The following NPFFR1 variants were observed in gnomAD, a reference collection of about 807,000 sequenced individuals.
The protein encoded by NPFFR1 is neuropeptide FF receptor 1, also known as G-protein coupled receptor 147.
In NPFFR1, 17 loss-of-function variants were observed where a neutral mutation model predicts 12.7. The ratio of observed to expected loss-of-function variants is 1.34; its 90% CI spans 0.92 to 2.01. The LOEUF (loss-of-function observed/expected upper bound fraction) is 2.01, where lower values mean the gene tolerates loss of function less well. Ranked by LOEUF, NPFFR1 falls within the 30% of genes most tolerant of loss-of-function variation. The pLI is 0.00. For synonymous variants in NPFFR1, 296 were observed against 264.5 expected (o/e 1.12, Z -1.16); for missense variants, 604 against 606.5 (o/e 1.00, Z 0.04).
chr10:70,264,800 G>A (rs1000833827), intron 2 of NPFFR1, among the ~76,000 whole-genome samples: 1 of 152,182 alleles, frequency 6.6e-6, no homozygotes, highest in African/African-American at 2.4e-5. Context: ...ATTTTTCACT[G>A]GAGAATTTTG....
At chr10:70,277,027 G>A (rs991802576) in intron 1 of NPFFR1, among the ~76,000 whole-genome samples, 5 of 152,172 alleles carry the variant, frequency 3.3e-5, no homozygotes, top group African/African-American at 1.2e-4. Flanking sequence ...ACAGTAGAAT[G>A]GGCCACTCAA....
At chr10:70,262,365 C>A (rs936326586) in intron 2 of NPFFR1, among the ~76,000 whole-genome samples, 1 of 152,112 alleles carries the variant, frequency 6.6e-6, no homozygotes, top group African/African-American at 2.4e-5. Context: ...AAGGAACACA[C>A]GAACTGGAGT....
rs571491375 is a variant in NPFFR1 at position 70,251,819 on chromosome 10, A to T, written c.*3138T>A. ...ACATAGGAATCCAGTGAGGATAATA[A>T]ATCTATAATTATAAAATAGCTTCAT... On this transcript the variant is annotated 3_prime_UTR_variant, in exon 4 of 4. Coordinates refer to ENST00000277942, the MANE Select transcript of NPFFR1 (RefSeq NM_022146.5). 6.6e-6 allele frequency: 1 copy of T among 152,360 alleles called. No individual in the cohort carries two copies. Among genetic ancestry groups the T allele is most frequent in the African/African-American group, 2.4e-5 (1 of 41,580 alleles). 9.4% of individuals were successfully genotyped at this position (152,360 alleles called of 1,614,324 possible). A position where few individuals can be genotyped will look rare whatever the true frequency, so the allele number is the denominator to read the frequency against.
chr10:70,279,248 A>G (rs1032674097), intron 1 of NPFFR1, among the ~76,000 whole-genome samples: 2 of 151,770 alleles, frequency 1.3e-5, no homozygotes, highest in East Asian at 3.9e-4. Context: ...CCAGGTTCAA[A>G]CGATTCTTAT....
At chr10:70,276,157 C>T (rs932230462) in intron 1 of NPFFR1, among the ~76,000 whole-genome samples, 5 of 152,186 alleles carry the variant, frequency 3.3e-5, no homozygotes, top group South Asian at 2.1e-4. Flanking sequence ...ACAAAGCTGA[C>T]ACTTTATGAA....
intron 1 of NPFFR1, among the ~76,000 whole-genome samples, chr10:70,270,625 C>T (rs1840736460): frequency 6.6e-6 from 1 of 152,224 alleles, no homozygotes; most frequent in African/African-American, 2.4e-5. Context: ...GATTCCAGCA[C>T]TGCACATGAA....
intron 3 of NPFFR1, 52 bp downstream of exon 3, chr10:70,260,588 T>TA: frequency 6.7e-7 from 1 of 1,493,306 alleles, no homozygotes; most frequent in Non-Finnish European, 9.2e-7. Context: ...TGGCTCCTCT[T>TA]AATGCCAGGC....
chr10:70,267,081 A>G (rs1840701912), intron 1 of NPFFR1, among the ~76,000 whole-genome samples: 1 of 152,068 alleles, frequency 6.6e-6, no homozygotes, highest in African/African-American at 2.4e-5. Context: ...TGAGTGCACC[A>G]TTTGTTTTCT....
chr10:70,283,398 C>G (rs1417890116), intron 1 of NPFFR1, among the ~76,000 whole-genome samples: 2 of 151,698 alleles, frequency 1.3e-5, no homozygotes, highest in African/African-American at 4.8e-5. Context: ...TACAGAGCAC[C>G]CCCAGGTCTT....
Position 70,254,992 on chromosome 10 carries a change from G to A in NPFFR1, c.1258C>T (p.His420Tyr). ...CAGGCTGGAATGGTGAGGGGCAGGT[G>A]GGAGCAGCCAGGCCCTTCCCTGGGC... ...GLPREGPGCS[H>Y]LPLTIPAWDI The change falls in exon 4 of 4, where the codon CAC becomes TAC. Residue 420 changes from histidine to tyrosine, a missense_variant. Physicochemically the swap from His to Tyr is moderately conservative, Grantham distance 83. Transcript: ENST00000277942. The A allele has an allele frequency of 6.9e-7, 1 of 1,444,636 alleles. No individual in the cohort carries two copies. The highest frequency in any genetic ancestry group is 9.0e-7 in the Non-Finnish European group (1 of 1,105,978). The allele number at this position is 1,444,636 out of a possible 1,614,324, so 89.5% of individuals were successfully genotyped here. A position where few individuals can be genotyped will look rare whatever the true frequency, so the allele number is the denominator to read the frequency against.
intron 1 of NPFFR1, among the ~76,000 whole-genome samples, chr10:70,278,616 C>T (rs1840828272): frequency 6.6e-6 from 1 of 152,180 alleles, no homozygotes; most frequent in Admixed American, 6.5e-5. Context: ...TCAAACCTTT[C>T]ATAAAGCCCC....
intron 1 of NPFFR1, among the ~76,000 whole-genome samples, chr10:70,281,779 T>G (rs1449992380): frequency 6.6e-6 from 1 of 152,204 alleles, no homozygotes; most frequent in African/African-American, 2.4e-5. Flanking sequence ...TCATTTTTTA[T>G]TTAATTTACA....
chr10:70,273,490 C>T (rs771947149), intron 1 of NPFFR1, among the ~76,000 whole-genome samples: 2 of 152,070 alleles, frequency 1.3e-5, no homozygotes, highest in South Asian at 2.1e-4. Context: ...GCATTGGATC[C>T]GCTCCCAAAA....
chr10:70,280,011 A>G (rs1263458934), intron 1 of NPFFR1, among the ~76,000 whole-genome samples: 2 of 152,212 alleles, frequency 1.3e-5, no homozygotes, highest in East Asian at 1.9e-4. Context: ...TATTTTACGT[A>G]GTATAATGTT....
chr10:70,277,564 C>T (rs1439023437), intron 1 of NPFFR1, among the ~76,000 whole-genome samples: 1 of 152,232 alleles, frequency 6.6e-6, no homozygotes, highest in Non-Finnish European at 1.5e-5. Flanking sequence ...AGCTGGCATG[C>T]TCCTGTCCCC....
At chr10:70,282,988 C>T (rs569443450) in intron 1 of NPFFR1, among the ~76,000 whole-genome samples, 2 of 152,294 alleles carry the variant, frequency 1.3e-5, no homozygotes, top group East Asian at 3.9e-4. Flanking sequence ...ATCTCCCCAA[C>T]AACCCCACCC....
intron 3 of NPFFR1, among the ~76,000 whole-genome samples, chr10:70,258,778 G>A (rs1322223620): frequency 6.6e-6 from 1 of 152,176 alleles, no homozygotes; most frequent in Non-Finnish European, 1.5e-5. Flanking sequence ...CCCAGTGGGG[G>A]TCTTATGGTC....
intron 3 of NPFFR1, among the ~76,000 whole-genome samples, chr10:70,258,489 A>C (rs767143631): frequency 6.6e-6 from 1 of 152,176 alleles, no homozygotes; most frequent in Non-Finnish European, 1.5e-5. Context: ...AGATAAATGC[A>C]TGAATGACCA....
intron 3 of NPFFR1, among the ~76,000 whole-genome samples, chr10:70,256,335 G>A (rs1224110431): frequency 6.6e-6 from 1 of 152,208 alleles, no homozygotes; most frequent in Admixed American, 6.5e-5. Context: ...TCCGGCCTCG[G>A]CCTCCCGAAT....
Sources: allele counts gnomAD v4.1 joint callset (sites outside exome capture counted in the v4.1 genomes callset), GRCh38; gene constraint gnomAD v4.1.1; transcripts MANE v1.5; gene names NCBI Gene and HGNC (gene_info 2026-07-23, HGNC 2026-07-21).